COG5: variants seen among roughly 807,000 people sequenced by gnomAD.
The protein encoded by COG5 is component of oligomeric golgi complex 5.
COG5 carries 86 observed loss-of-function variants against 110.4 expected under a neutral mutation model. That is an observed-to-expected ratio of 0.78 (90% CI 0.65 to 0.93). COG5 has a LOEUF of 0.93. Ranked by LOEUF, COG5 falls within the 40% of genes least tolerant of loss-of-function variation. The pLI is 0.00. For missense variants in COG5, 1,077 were observed against 987.0 expected, an observed-to-expected ratio of 1.09 and a Z score of -1.22; for synonymous variants, 360 against 334.6, an observed-to-expected ratio of 1.08 and a Z score of -0.83.
chr7:107,324,523 T>C lies in COG5; in HGVS notation c.1027-2A>G, dbSNP rs371256120. On this transcript the variant is annotated splice_acceptor_variant, in intron 10 of 21. Transcript: ENST00000297135. LOFTEE classifies it high-confidence loss of function. ...GTAGAAAATTTCCGGTTGTCCATCC[T>C]GTGAAGAACAAACAAAAATTTTTTA... The C allele has an allele frequency of 1.1e-5, 18 of 1,590,814 alleles. No homozygotes were observed. The highest frequency in any genetic ancestry group is 1.5e-5 in the Non-Finnish European group (18 of 1,166,642).
intron 8 of COG5, among the ~76,000 whole-genome samples, chr7:107,365,499 A>G (rs1320730420): frequency 2.7e-5 from 4 of 148,522 alleles, no homozygotes; most frequent in African/African-American, 7.4e-5. Context: ...CTTAAAACCA[A>G]TTGTAAGAAT....
chr7:107,288,677 G>C (rs1422792349), intron 12 of COG5, among the ~76,000 whole-genome samples: 3 of 151,788 alleles, frequency 2.0e-5, no homozygotes. Flanking sequence ...ATTGAAAAGA[G>C]TTCTTTATAT....
chr7:107,210,725 C>A, intron 20 of COG5, 120 bp from the exon 21 acceptor site: 1 of 1,130,778 alleles, frequency 8.8e-7, no homozygotes, highest in Non-Finnish European at 1.3e-6. Context: ...AAAACCTGTC[C>A]AAGGGAAGTG....
chr7:107,527,782 T>C (rs1800880259), intron 5 of COG5, among the ~76,000 whole-genome samples: 1 of 152,198 alleles, frequency 6.6e-6, no homozygotes, highest in Non-Finnish European at 1.5e-5. Flanking sequence ...CTAAACCAGC[T>C]TTCTTCTCTA....
At chr7:107,508,911 A>G (rs1799261423) in intron 6 of COG5, among the ~76,000 whole-genome samples, 1 of 152,194 alleles carries the variant, frequency 6.6e-6, no homozygotes, top group African/African-American at 2.4e-5. Context: ...CACCAACATC[A>G]AAGACCAAAA....
chr7:107,220,542 G>A (rs1375024811), intron 19 of COG5, among the ~76,000 whole-genome samples: 1 of 152,146 alleles, frequency 6.6e-6, no homozygotes, highest in African/African-American at 2.4e-5. Context: ...GTTACTATTT[G>A]TCCCCAACAG....
chr7:107,466,184 A>T (rs1444185556), intron 6 of COG5, among the ~76,000 whole-genome samples: 1 of 152,188 alleles, frequency 6.6e-6, no homozygotes, highest in African/African-American at 2.4e-5. Flanking sequence ...GCAAAGAGGG[A>T]TAGTAAGCAG....
At chr7:107,256,293 T>C (rs761438177) in intron 16 of COG5, among the ~76,000 whole-genome samples, 9 of 152,056 alleles carry the variant, frequency 5.9e-5, no homozygotes, top group African/African-American at 1.9e-4. Context: ...GTCCTATGCA[T>C]TGCAAGATGT....
chr7:107,446,962 T>G (rs4727680), intron 6 of COG5, among the ~76,000 whole-genome samples: 41,318 of 152,148 alleles, frequency 0.27, 5,704 homozygotes, highest in East Asian at 0.33. Flanking sequence ...GTGGGCTCAA[T>G]TGGCTTTTTC....
At chr7:107,470,071 G>A (rs1796543325) in intron 6 of COG5, 1 of 152,154 alleles carries the variant, frequency 6.6e-6, no homozygotes, top group African/African-American at 2.4e-5. Context: ...TTCTGCAAAA[G>A]CTGCCCGAAC....
intron 6 of COG5, among the ~76,000 whole-genome samples, chr7:107,503,018 C>A (rs1798732365): frequency 6.6e-6 from 1 of 151,564 alleles, no homozygotes; most frequent in Admixed American, 6.6e-5. Context: ...TTAACCAGGT[C>A]CCATTTATTT....
At position 107,245,972 on chromosome 7, in the gene COG5, A is replaced by G. The variant is rs62483635; in HGVS notation, c.1853+2424T>C. On this transcript the variant is annotated intron_variant, in intron 17 of 21. Transcript: ENST00000297135. The stretch of plus-strand genomic sequence containing the variant: ...TTACCTGACTTCAAACTAAACTACA[A>G]GGCTACCATAACCAAAACAGAATGG... Among the ~76,000 whole-genome samples, 787 of 152,348 alleles carry G rather than the reference A, an allele frequency of 5.2e-3. 6 individuals carry two copies. The highest frequency in any genetic ancestry group is 8.4e-3 in the Non-Finnish European group (571 of 68,038).
intron 1 of COG5, among the ~76,000 whole-genome samples, chr7:107,561,636 AG>A (rs971323948): frequency 5.3e-5 from 8 of 152,228 alleles, no homozygotes; most frequent in African/African-American, 1.9e-4. Flanking sequence ...CCCAGGAAAC[AG>A]GAAGAAAAAA....
At chr7:107,372,792 A>T (rs371197580) in intron 7 of COG5, 32 bp from the exon 8 acceptor site, 184 of 1,608,202 alleles carry the variant, frequency 1.1e-4, no homozygotes, top group Non-Finnish European at 1.5e-4. Flanking sequence ...GTGGAAACAG[A>T]TATAAATAGG....
chr7:107,521,961 T>C (rs1020974560), intron 6 of COG5, among the ~76,000 whole-genome samples: 1 of 152,148 alleles, frequency 6.6e-6, no homozygotes, highest in Non-Finnish European at 1.5e-5. Flanking sequence ...TGAAATCATG[T>C]CCTTGGCAGG....
At chr7:107,562,216 A>G (rs570591018) in intron 1 of COG5, among the ~76,000 whole-genome samples, 1 of 152,238 alleles carries the variant, frequency 6.6e-6, no homozygotes, top group Non-Finnish European at 1.5e-5. Flanking sequence ...GATTTAAACA[A>G]TCACTGTGGA....
At chr7:107,540,091 CA>C (rs1420613648) in intron 5 of COG5, among the ~76,000 whole-genome samples, 2 of 152,198 alleles carry the variant, frequency 1.3e-5, no homozygotes, top group African/African-American at 4.8e-5. Context: ...AGAAAAGCTG[CA>C]AAAACAGAGG....
At chr7:107,529,082 G>A (rs1298958640) in intron 5 of COG5, among the ~76,000 whole-genome samples, 1 of 147,238 alleles carries the variant, frequency 6.8e-6, no homozygotes, top group Admixed American at 6.7e-5. Flanking sequence ...TTGACAATTG[G>A]GGCATCTTTA....
chr7:107,476,899 A>C (rs954911854), intron 6 of COG5, among the ~76,000 whole-genome samples: 1 of 151,712 alleles, frequency 6.6e-6, no homozygotes, highest in Non-Finnish European at 1.5e-5. Context: ...GGAGAAATGA[A>C]TACCATGCAG....
Sources: allele counts gnomAD v4.1 joint callset (sites outside exome capture counted in the v4.1 genomes callset), GRCh38; gene constraint gnomAD v4.1.1; transcripts MANE v1.5; gene names NCBI Gene and HGNC (gene_info 2026-07-23, HGNC 2026-07-21).